The following C11orf24 variants were observed in gnomAD, a reference collection of about 807,000 sequenced individuals.
C11orf24 encodes the protein uncharacterized protein C11orf24.
In C11orf24, 5 loss-of-function variants were observed where a neutral mutation model predicts 7.3. That is an observed-to-expected ratio of 0.69 (90% CI 0.36 to 1.45). C11orf24 has a LOEUF of 1.45. Among genes scored for constraint, C11orf24 ranks in the 40% most tolerant of loss-of-function variants. The pLI is 0.03. For synonymous variants in C11orf24, 233 were observed against 235.7 expected, an observed-to-expected ratio of 0.99 and a Z score of 0.11; for missense variants, 566 against 590.5, an observed-to-expected ratio of 0.96 and a Z score of 0.43.
chr11:68,263,475 C>T (rs1253323633), intron 3 of C11orf24: 7 of 551,868 alleles, frequency 1.3e-5, no homozygotes, highest in Middle Eastern at 4.8e-4. Flanking sequence ...AGCGAGCAAA[C>T]CTTTCAGGGC....
At chr11:68,263,314 A>C in intron 3 of C11orf24, 1 of 396,976 alleles carries the variant, frequency 2.5e-6, no homozygotes, top group Non-Finnish European at 4.5e-6. Flanking sequence ...TCACATCATA[A>C]AAGAACGCTT....
At chr11:68,266,542 A>G (rs186555540) in intron 2 of C11orf24, among the ~76,000 whole-genome samples, 6 of 152,330 alleles carry the variant, frequency 3.9e-5, no homozygotes, top group African/African-American at 9.6e-5. Flanking sequence ...AGGGGCTTAG[A>G]AAAATTACTT....
intron 2 of C11orf24, 21 bp from the exon 3 acceptor site, chr11:68,263,887 T>G (rs532424660): frequency 2.5e-6 from 2 of 786,486 alleles, no homozygotes; most frequent in East Asian, 5.3e-5. Context: ...GAAAGCACGC[T>G]GGTCAGAAGG....
rs370629567 is a variant in C11orf24, at chr11:68,263,774, G to A, written c.-7C>T. ...GCACAAGAGCTGTCCACATCTTGTG[G>A]GTGAGCTGGGAGCAAGGCTGGGCGG... On this transcript the variant is annotated 5_prime_UTR_variant, in exon 3 of 4. Coordinates refer to ENST00000304271, the MANE Select transcript of C11orf24 (RefSeq NM_022338.4). 40 of 1,611,784 alleles carry A rather than the reference G, an allele frequency of 2.5e-5. No individual in the cohort carries two copies. The highest frequency in any genetic ancestry group is 1.9e-4 in the African/African-American group (14 of 74,914).
intron 2 of C11orf24, among the ~76,000 whole-genome samples, chr11:68,264,343 C>T (rs2098563455): frequency 6.6e-6 from 1 of 152,006 alleles, no homozygotes; most frequent in Non-Finnish European, 1.5e-5. Context: ...TCAATCCACC[C>T]ATTCATCCAT....
chr11:68,262,592 T>G lies in C11orf24; in HGVS notation c.403A>C (p.Thr135Pro). The change falls in exon 4 of 4, where the codon ACT (threonine) becomes CCT (proline). Residue 135 changes from threonine (T) to proline (P), a missense_variant. Physicochemically the swap from Thr to Pro is conservative, Grantham distance 38 (BLOSUM62 -1). Coordinates refer to ENST00000304271, the MANE Select transcript of C11orf24 (RefSeq NM_022338.4). ...GCCACAGTTGTACTGGAGGCTGCAG[T>G]CGTGGGAGCACTGGAGGCCACAGTC... ...SMTVASSAPT[T>P]AASSTTVASI... 1 of 1,613,484 alleles carries G rather than the reference T, an allele frequency of 6.2e-7. No homozygotes were observed. The highest frequency in any genetic ancestry group is 8.5e-7 in the Non-Finnish European group (1 of 1,179,858).
intron 1 of C11orf24, among the ~76,000 whole-genome samples, chr11:68,268,584 T>C (rs2098566391): frequency 6.6e-6 from 1 of 152,026 alleles, no homozygotes. Context: ...CCCAGCGACT[T>C]GGGAGGCTGA....
intron 2 of C11orf24, among the ~76,000 whole-genome samples, chr11:68,265,556 G>C (rs895730867): frequency 9.9e-5 from 15 of 152,176 alleles, no homozygotes; most frequent in African/African-American, 3.6e-4. Context: ...CTGGACTGCA[G>C]TGGCATGATC....
intron 2 of C11orf24, 88 bp from the exon 3 acceptor site, chr11:68,263,954 C>T: frequency 1.7e-6 from 1 of 601,476 alleles, no homozygotes; most frequent in Non-Finnish European, 2.9e-6. Flanking sequence ...AGGGCTCTGG[C>T]AGGGTCCAAG....
chr11:68,261,910 G>C lies in C11orf24; in HGVS notation c.1085C>G (p.Pro362Arg), dbSNP rs780794551. 3.1e-6 allele frequency: 5 copies of C among 1,613,962 alleles called. No homozygotes were observed. In the South Asian group the frequency reaches 5.5e-5, roughly 18 times the overall value. ...CATCTTAGTGCCCCCTGAGCTCCTG[G>C]GTGTTGGCCCAGTGGAATCAGTACC... ...TPGTDSTGPT[P>R]RSSGGTKMPA... The change falls in exon 4 of 4, where the codon CCC becomes CGC. Residue 362 changes from proline to arginine, a missense_variant. Coordinates refer to ENST00000304271, the MANE Select transcript of C11orf24 (RefSeq NM_022338.4).
Position 68,262,609 on chromosome 11 carries a change from G to C in C11orf24, c.386C>G (p.Ala129Gly). The C allele has an allele frequency of 6.2e-7, 1 of 1,613,648 alleles. No homozygotes were observed. The highest frequency in any genetic ancestry group is 8.5e-7 in the Non-Finnish European group (1 of 1,179,680). Residue 129 changes from alanine (A) to glycine (G), a missense_variant, in exon 4 of 4, where the codon GCC (alanine) becomes GGC (glycine). Transcript: ENST00000304271. ...GGCTGCAGTCGTGGGAGCACTGGAG[G>C]CCACAGTCATACTGGAGGCCGCAGT... Reference protein sequence around the residue: ...ITTAASSMTVASSAPTTAASS... With the variant: ...ITTAASSMTVGSSAPTTAASS...
chr11:68,265,342 C>A (rs1158777161), intron 2 of C11orf24, among the ~76,000 whole-genome samples: 1 of 152,156 alleles, frequency 6.6e-6, no homozygotes, highest in Non-Finnish European at 1.5e-5. Context: ...GCGATCCAGG[C>A]ACCTGATACA....
At chr11:68,271,552 C>G (rs534308048) in intron 1 of C11orf24, 1 of 152,588 alleles carries the variant, frequency 6.6e-6, no homozygotes, top group African/African-American at 2.4e-5. Flanking sequence ...ACAAGCCGGC[C>G]TCTTCTCCAG....
intron 1 of C11orf24, among the ~76,000 whole-genome samples, chr11:68,269,787 C>A (rs899501010): frequency 1.8e-4 from 28 of 152,340 alleles, no homozygotes; most frequent in Admixed American, 5.2e-4. Context: ...GCCGGTGGGG[C>A]TGGTGGTCAC....
Position 68,263,681 on chromosome 11 carries a change from T to G in C11orf24, c.76+11A>C, listed in dbSNP as rs765079199. On this transcript the variant is annotated intron_variant, in intron 3 of 3. Transcript: ENST00000304271. Reference sequence around the variant, plus strand: ...GGGCCCATCCAGCAGTCACACAGCTTTCTCACTTACGTGGATCGTTGGATG... The same window carrying G: ...GGGCCCATCCAGCAGTCACACAGCTGTCTCACTTACGTGGATCGTTGGATG... The G allele has an allele frequency of 6.2e-7, 1 of 1,612,842 alleles. No individual in the cohort carries two copies. Among genetic ancestry groups the G allele is most frequent in the Non-Finnish European group, 8.5e-7 (1 of 1,179,442 alleles).
At position 68,268,240 on chromosome 11, in the gene C11orf24, T is replaced by C. The variant is rs1373572305; in HGVS notation, c.-286A>G. On this transcript the variant is annotated 5_prime_UTR_variant, in exon 2 of 4. Coordinates refer to ENST00000304271, the MANE Select transcript of C11orf24 (RefSeq NM_022338.4). Reference sequence around the variant, plus strand: ...GACGAAGGTAGACTCTCCACTCTAGTAACAGACGCATCTAGAGTTTGAAAA... The same window carrying C: ...GACGAAGGTAGACTCTCCACTCTAGCAACAGACGCATCTAGAGTTTGAAAA... 2 of 152,334 alleles carry C rather than the reference T, an allele frequency of 1.3e-5. No homozygotes were observed. Among genetic ancestry groups the C allele is most frequent in the Non-Finnish European group, 2.9e-5 (2 of 68,042 alleles). 9.4% of individuals were successfully genotyped at this position (152,334 alleles called of 1,614,324 possible).
Position 68,262,254 on chromosome 11 carries a change from G to C in C11orf24, c.741C>G (p.Pro247=), listed in dbSNP as rs918296996. The C allele has an allele frequency of 1.2e-6, 2 of 1,613,454 alleles. No homozygotes were observed. The highest frequency in any genetic ancestry group is 1.7e-6 in the Non-Finnish European group (2 of 1,179,464). The change falls in exon 4 of 4, where the codon CCC becomes CCG. Residue 247 remains proline (P), a synonymous_variant. Coordinates refer to ENST00000304271, the MANE Select transcript of C11orf24 (RefSeq NM_022338.4). ...GACCTTGTGCTTGGGGACGCATAGG[G>C]GGTACAGGGCTTGCCGCGGTGTCAC... is the stretch of plus-strand genomic sequence containing the variant. ...MPSDTAASPV[P]PMRPQAQGPI...
rs998352979 is a variant in C11orf24 at position 68,271,897 on chromosome 11, C to G, written c.-338G>C. On this transcript the variant is annotated 5_prime_UTR_variant, in exon 1 of 4. Transcript: ENST00000304271. ...CCCCGGCGGCCTGGTGGCCCTCGGACAGTAGGAAGGAGCCTGAGGCCCGGC... is the reference window on the plus strand; with the variant it reads ...CCCCGGCGGCCTGGTGGCCCTCGGAGAGTAGGAAGGAGCCTGAGGCCCGGC... The G allele has an allele frequency of 3.9e-5, 6 of 152,246 alleles. No homozygotes were observed. Among genetic ancestry groups the G allele is most frequent in the African/African-American group, 1.4e-4 (6 of 41,454 alleles). The allele number at this position is 152,246 out of a possible 1,614,324, so 9.4% of individuals were successfully genotyped here.
At chr11:68,264,920 G>A (rs1442407503) in intron 2 of C11orf24, among the ~76,000 whole-genome samples, 4 of 151,796 alleles carry the variant, frequency 2.6e-5, no homozygotes, top group Admixed American at 1.3e-4. Context: ...GACAGTATGC[G>A]GGCAGGCCTT....
Sources: gnomAD v4.1 joint callset for allele counts (sites outside exome capture counted in the v4.1 genomes callset) on GRCh38, gnomAD v4.1.1 for gene constraint, MANE v1.5 for transcripts, NCBI Gene and HGNC (gene_info 2026-07-23, HGNC 2026-07-21) for gene names.